CIRSR: variants seen among roughly 807,000 people sequenced by gnomAD.
CIRSR encodes CBF1 (RBPJ) interacting corepressor 1.
At chr2:174,371,720 G>A in the CIRSR span, among the ~76,000 whole-genome samples, 3 of 152,206 alleles carry the variant, frequency 2.0e-5, no homozygotes, top group Admixed American at 6.5e-5. Flanking sequence ...GCAGTTTCCA[G>A]TGATCAAAGT....
At chr2:174,348,833 T>C in the CIRSR span, 1 of 1,614,098 alleles carries the variant, frequency 6.2e-7, no homozygotes, top group African/African-American at 1.3e-5. Context: ...TCTCGTGTTT[T>C]AAGAACCTGG....
At chr2:174,373,031 A>G in the CIRSR span, among the ~76,000 whole-genome samples, 1 of 152,220 alleles carries the variant, frequency 6.6e-6, no homozygotes, top group Non-Finnish European at 1.5e-5. Context: ...CAAATCGTCA[A>G]TTGTTCTTAC....
At chr2:174,374,256 G>A in the CIRSR span, among the ~76,000 whole-genome samples, 1 of 152,148 alleles carries the variant, frequency 6.6e-6, no homozygotes, top group African/African-American at 2.4e-5. Context: ...TTCTACCTAA[G>A]TTTTAATTCT....
the CIRSR span, chr2:174,380,764 C>T: frequency 1.2e-6 from 2 of 1,604,204 alleles, no homozygotes; most frequent in African/African-American, 1.3e-5. Context: ...ATAATACAAT[C>T]AACTGCAAGT....
the CIRSR span, among the ~76,000 whole-genome samples, chr2:174,367,032 A>G: frequency 6.6e-6 from 1 of 152,226 alleles, no homozygotes; most frequent in Admixed American, 6.5e-5. Context: ...ACAGAAACTA[A>G]GAGACAAAAA....
chr2:174,373,199 G>T, the CIRSR span, among the ~76,000 whole-genome samples: 3 of 152,144 alleles, frequency 2.0e-5, no homozygotes, highest in Non-Finnish European at 2.9e-5. Context: ...CAAGATTTAA[G>T]AAATTAAAAT....
the CIRSR span, among the ~76,000 whole-genome samples, chr2:174,392,190 G>T: frequency 6.6e-6 from 1 of 152,114 alleles, no homozygotes; most frequent in Admixed American, 6.5e-5. Flanking sequence ...TAGAGACAGG[G>T]TTTCACCATG....
At chr2:174,395,683 C>T in the CIRSR span, 1 of 1,613,188 alleles carries the variant, frequency 6.2e-7, no homozygotes, top group Non-Finnish European at 8.5e-7. Flanking sequence ...ACAAACTCAG[C>T]CGCCTAACCG....
chr2:174,393,409 C>T, the CIRSR span, among the ~76,000 whole-genome samples: 6 of 152,268 alleles, frequency 3.9e-5, no homozygotes, highest in East Asian at 9.6e-4. Flanking sequence ...TTAAAACCTA[C>T]TGGACTTTTT....
the CIRSR span, among the ~76,000 whole-genome samples, chr2:174,365,125 C>G: frequency 1.3e-5 from 2 of 152,094 alleles, no homozygotes; most frequent in African/African-American, 4.8e-5. Context: ...AAATTTCTTC[C>G]GCCAGATATC....
the CIRSR span, among the ~76,000 whole-genome samples, chr2:174,369,121 CTG>C: frequency 1.3e-5 from 2 of 152,206 alleles, no homozygotes; most frequent in Admixed American, 1.3e-4. Context: ...CATTGAAACT[CTG>C]TTGTTTAGTG....
At chr2:174,377,835 A>AC in the CIRSR span, among the ~76,000 whole-genome samples, 6 of 151,508 alleles carry the variant, frequency 4.0e-5, no homozygotes, top group South Asian at 8.3e-4. Flanking sequence ...AAAAAAAAAA[A>AC]AAAAAAAAAA....
At chr2:174,368,761 T>G in the CIRSR span, among the ~76,000 whole-genome samples, 1 of 152,182 alleles carries the variant, frequency 6.6e-6, no homozygotes, top group Non-Finnish European at 1.5e-5. Context: ...GGTCACTAGG[T>G]GCATTGTAAA....
chr2:174,370,756 A>C, the CIRSR span, among the ~76,000 whole-genome samples: 1 of 152,028 alleles, frequency 6.6e-6, no homozygotes, highest in Admixed American at 6.6e-5. Flanking sequence ...CTACTAAAAA[A>C]AAATATTAGC....
At chr2:174,389,713 G>C in the CIRSR span, among the ~76,000 whole-genome samples, 4 of 152,134 alleles carry the variant, frequency 2.6e-5, no homozygotes, top group Non-Finnish European at 5.9e-5. Flanking sequence ...TCATAGGCCT[G>C]GAGGCCTAGG....
chr2:174,371,265 A>G, the CIRSR span, among the ~76,000 whole-genome samples: 79 of 152,350 alleles, frequency 5.2e-4, no homozygotes, highest in African/African-American at 1.7e-3. Flanking sequence ...GGTAAATTGT[A>G]TGGTATGCAA....
chr2:174,367,264 G>A, the CIRSR span, among the ~76,000 whole-genome samples: 1 of 152,078 alleles, frequency 6.6e-6, no homozygotes, highest in East Asian at 1.9e-4. Context: ...ATGAGAGCCT[G>A]TCTCTCCAAA....
chr2:174,351,817 G>T, the CIRSR span: 1 of 840,978 alleles, frequency 1.2e-6, no homozygotes, highest in Non-Finnish European at 1.8e-6. Context: ...GCTTTGTTAA[G>T]TAAAATCACA....
the CIRSR span, among the ~76,000 whole-genome samples, chr2:174,377,481 T>C: frequency 1.3e-5 from 2 of 152,064 alleles, no homozygotes; most frequent in Non-Finnish European, 2.9e-5. Flanking sequence ...AGCGAATAAT[T>C]TCCTTCTACT....
Sources: gnomAD v4.1 joint callset for allele counts (sites outside exome capture counted in the v4.1 genomes callset) on GRCh38, gnomAD v4.1.1 for gene constraint, MANE v1.5 for transcripts, NCBI Gene and HGNC (gene_info 2026-07-23, HGNC 2026-07-21) for gene names.